DPY19L1: variants seen among roughly 807,000 people sequenced by gnomAD.
DPY19L1 encodes dpy-19 like C-mannosyltransferase 1.
Under a neutral mutation model 96.9 loss-of-function variants are expected in DPY19L1, and 35 were observed. The observed-to-expected ratio is 0.36, with a 90% CI of 0.28 to 0.48. The LOEUF (loss-of-function observed/expected upper bound fraction) is 0.48. DPY19L1 is among the 20% of genes least tolerant of loss of function. The probability of loss-of-function intolerance (pLI) is 0.99; values close to 1 mark genes in which losing one functional copy is unlikely to be tolerated. For missense variants in DPY19L1, 521 were observed against 777.9 expected, an observed-to-expected ratio of 0.67 and a Z score of 3.93; for synonymous variants, 205 against 252.6, an observed-to-expected ratio of 0.81 and a Z score of 1.79.
chr7:34,987,221 T>C (rs1562817502), intron 7 of DPY19L1, among the ~76,000 whole-genome samples: 1 of 152,072 alleles, frequency 6.6e-6, no homozygotes, highest in Non-Finnish European at 1.5e-5. Flanking sequence ...GCAAAAATTC[T>C]CAATTGTGAC....
At chr7:34,964,833 T>C (rs564927402) in intron 10 of DPY19L1, among the ~76,000 whole-genome samples, 21 of 152,148 alleles carry the variant, frequency 1.4e-4, no homozygotes, top group Admixed American at 4.6e-4. Flanking sequence ...ATAGATGTCA[T>C]TTTCTTTTGG....
intron 11 of DPY19L1, among the ~76,000 whole-genome samples, chr7:34,956,740 T>A (rs1784387487): frequency 6.6e-6 from 1 of 152,038 alleles, no homozygotes; most frequent in South Asian, 2.1e-4. Context: ...CCTGACCTCG[T>A]GATCCACCTG....
chr7:34,953,627 T>C (rs1784314197), intron 13 of DPY19L1, among the ~76,000 whole-genome samples: 1 of 152,174 alleles, frequency 6.6e-6, no homozygotes, highest in African/African-American at 2.4e-5. Context: ...GTTCCTATTT[T>C]CCGAATTTTC....
intron 10 of DPY19L1, among the ~76,000 whole-genome samples, chr7:34,958,535 A>G (rs1028496899): frequency 4.6e-5 from 7 of 152,238 alleles, no homozygotes; most frequent in Non-Finnish European, 8.8e-5. Flanking sequence ...GATCTTCCCA[A>G]TACAAACACT....
chr7:34,962,822 C>A (rs112769535), intron 10 of DPY19L1, among the ~76,000 whole-genome samples: 3 of 151,998 alleles, frequency 2.0e-5, no homozygotes, highest in Non-Finnish European at 4.4e-5. Flanking sequence ...CACTCTGGTG[C>A]GGGATGTCAA....
At chr7:35,008,350 T>C (rs1031247300) in intron 6 of DPY19L1, among the ~76,000 whole-genome samples, 3 of 152,178 alleles carry the variant, frequency 2.0e-5, no homozygotes, top group African/African-American at 7.2e-5. Flanking sequence ...GACAAAAAAC[T>C]GTCTACCAGG....
chr7:35,003,380 A>T (rs1192132365), intron 6 of DPY19L1, among the ~76,000 whole-genome samples: 1 of 152,156 alleles, frequency 6.6e-6, no homozygotes, highest in Admixed American at 6.5e-5. Flanking sequence ...GTACTGACTC[A>T]TGCCCAAAAT....
Position 34,929,599 on chromosome 7 carries a change from G to C in DPY19L1, c.*1974C>G, listed in dbSNP as rs561124412. The C allele has an allele frequency of 6.6e-6, 1 of 152,238 alleles. No homozygotes were observed. The highest frequency in any genetic ancestry group is 6.5e-5 in the Admixed American group (1 of 15,304). The allele number at this position is 152,238 out of a possible 1,614,324, so 9.4% of individuals were successfully genotyped here. A position where few individuals can be genotyped will look rare whatever the true frequency, so the allele number is the denominator to read the frequency against. ...TGTAAAAGTATAATTTTTAAAAATT[G>C]TAACTGCTGGATGTACACAATCAGC... On this transcript the variant is annotated 3_prime_UTR_variant, in exon 22 of 22. Coordinates refer to ENST00000638088, the MANE Select transcript of DPY19L1 (RefSeq NM_001366673.1).
In DPY19L1 at chr7:34,942,653, A is replaced by T; in HGVS notation, c.1545-14T>A. The T allele has an allele frequency of 6.3e-7, 1 of 1,586,730 alleles. No individual in the cohort carries two copies. Among genetic ancestry groups the T allele is most frequent in the East Asian group, 2.3e-5 (1 of 44,390 alleles). The stretch of plus-strand genomic sequence containing the variant: ...AACTGGTGTTTTCTGGAACAGAAAA[A>T]AATATATTGCCATCAATTCATTATT... On this transcript the variant is annotated splice_polypyrimidine_tract_variant and intron_variant, in intron 16 of 21. Coordinates refer to ENST00000638088, the MANE Select transcript of DPY19L1 (RefSeq NM_001366673.1).
Position 34,930,213 on chromosome 7 carries a change from G to A in DPY19L1, c.*1360C>T, listed in dbSNP as rs574865029. On this transcript the variant is annotated 3_prime_UTR_variant, in exon 22 of 22. Transcript: ENST00000638088. ...TGTGTAGTCTGTCAGCCATAGTCAC[G>A]CTTTGCTTAGAATTTAAAACCCTAA... is the stretch of plus-strand genomic sequence containing the variant. 1.3e-5 allele frequency: 2 copies of A among 152,306 alleles called. No homozygotes were observed. Among genetic ancestry groups the A allele is most frequent in the South Asian group, 2.1e-4 (1 of 4,830 alleles). The allele number at this position is 152,306 out of a possible 1,614,324, so 9.4% of individuals were successfully genotyped here.
intron 20 of DPY19L1, chr7:34,939,003 C>A: frequency 3.6e-6 from 1 of 275,292 alleles, no homozygotes; most frequent in Non-Finnish European, 6.8e-6. Flanking sequence ...CATTTTAGAG[C>A]CCTGTTAACC....
rs765626731 is a variant in DPY19L1 at position 34,973,621 on chromosome 7, T to C, written c.823-16A>G. 30 of 1,398,272 alleles carry C rather than the reference T, an allele frequency of 2.1e-5. No individual in the cohort carries two copies. The highest frequency in any genetic ancestry group is 7.8e-5 in the East Asian group (3 of 38,406). The allele number at this position is 1,398,272 out of a possible 1,614,324, so 86.6% of individuals were successfully genotyped here. On this transcript the variant is annotated splice_polypyrimidine_tract_variant and intron_variant, in intron 7 of 21. Transcript: ENST00000638088. ...CACGGGTACACTGAAAAAAAAAATTTGTAGTATAGTATACTTGCTAAATTT... is the reference window on the plus strand; with the variant it reads ...CACGGGTACACTGAAAAAAAAAATTCGTAGTATAGTATACTTGCTAAATTT...
upstream of DPY19L1, chr7:35,037,823 C>G (rs1228634732): frequency 8.1e-7 from 1 of 1,228,508 alleles, no homozygotes; most frequent in African/African-American, 1.6e-5. Flanking sequence ...CACACCTCTT[C>G]GGCGCCCGCG....
At chr7:35,024,436 G>A (rs369148145) in intron 1 of DPY19L1, among the ~76,000 whole-genome samples, 26 of 152,046 alleles carry the variant, frequency 1.7e-4, no homozygotes, top group Non-Finnish European at 3.1e-4. Flanking sequence ...GTTTCTTTCC[G>A]GAAGCTGAAG....
At chr7:35,014,048 T>C (rs190034093) in intron 3 of DPY19L1, among the ~76,000 whole-genome samples, 12 of 152,286 alleles carry the variant, frequency 7.9e-5, no homozygotes, top group Admixed American at 7.8e-4. Context: ...GAGTGGTTTA[T>C]TATGGAACTA....
rs1786443267 is a variant in DPY19L1, at chr7:35,037,175, GC to G, written c.219del (p.Arg74AlafsTer26). 6.7e-6 allele frequency: 1 copy of G among 148,492 alleles called. No homozygotes were observed. The highest frequency in any genetic ancestry group is 2.5e-5 in the African/African-American group (1 of 40,470). The allele number at this position is 148,492 out of a possible 1,614,324, so 9.2% of individuals were successfully genotyped here. A position where few individuals can be genotyped will look rare whatever the true frequency, so the allele number is the denominator to read the frequency against. On this transcript the variant is annotated frameshift_variant, in exon 1 of 22. Transcript: ENST00000638088. LOFTEE classifies it high-confidence loss of function. ...GCCCAGCGCAGCCGGGCGGCCAGGC[GC>G]CCCCCAAGGCCGCCCCCGGCGGGCG... ...GAPPAGGGLG[G>X]RLAARLRWAL...
At chr7:34,939,168 A>C in intron 20 of DPY19L1, 108 bp downstream of exon 20, 1 of 931,212 alleles carries the variant, frequency 1.1e-6, no homozygotes, top group Non-Finnish European at 1.6e-6. Flanking sequence ...GATAAGCCTC[A>C]GTTCATCATA....
intron 7 of DPY19L1, among the ~76,000 whole-genome samples, chr7:34,978,761 T>A (rs1784879748): frequency 6.6e-6 from 1 of 152,110 alleles, no homozygotes; most frequent in South Asian, 2.1e-4. Context: ...AATTTTGGAA[T>A]ATTTGCATTT....
upstream of DPY19L1, chr7:35,037,960 A>G: frequency 8.4e-7 from 1 of 1,184,650 alleles, no homozygotes; most frequent in Non-Finnish European, 1.1e-6. Flanking sequence ...CAAGTTTCGG[A>G]GCCTGTTAAG....
Sources: gnomAD v4.1 joint callset for allele counts (sites outside exome capture counted in the v4.1 genomes callset) on GRCh38, gnomAD v4.1.1 for gene constraint, MANE v1.5 for transcripts, NCBI Gene and HGNC (gene_info 2026-07-23, HGNC 2026-07-21) for gene names.